Variants in ZNF780B observed in about 807,000 individuals in gnomAD.
ZNF780B encodes the protein zinc finger protein 780B.
Under a neutral mutation model 74.1 loss-of-function variants are expected in ZNF780B, and 52 were observed. The observed-to-expected ratio is 0.70, with a 90% confidence interval of 0.56 to 0.88. The LOEUF (loss-of-function observed/expected upper bound fraction) is 0.88. Ranked by LOEUF, ZNF780B falls within the 40% of genes least tolerant of loss-of-function variation. The probability of loss-of-function intolerance (pLI) is 0.00; values close to 1 mark genes in which losing one functional copy is unlikely to be tolerated. For missense variants in ZNF780B, 953 were observed against 1,007.6 expected, an observed-to-expected ratio of 0.95 and a Z score of 0.73; for synonymous variants, 315 against 324.3, an observed-to-expected ratio of 0.97 and a Z score of 0.31.
rs1259505395 is a variant in ZNF780B at position 40,035,823 on chromosome 19, T to A, written c.1036A>T (p.Thr346Ser). Residue 346 changes from threonine (T) to serine (S), a missense_variant, in exon 5 of 5, where the codon ACA becomes TCA. Thr to Ser is a moderately conservative substitution (Grantham distance 58). Transcript: ENST00000434248. Reference sequence around the variant, plus strand: ...ATCTTCTGATGTCGAACAAGCTTTGTCAGAAGAGTAAAGGCCTTTCTGCAT... The same window carrying A: ...ATCTTCTGATGTCGAACAAGCTTTGACAGAAGAGTAAAGGCCTTTCTGCAT... Reference protein sequence around the residue: ...KECRKAFTLLTKLVRHQKIHM... With the variant: ...KECRKAFTLLSKLVRHQKIHM... 1 of 1,614,128 alleles carries A rather than the reference T, an allele frequency of 6.2e-7. No homozygotes were observed.
intron 4 of ZNF780B, among the ~76,000 whole-genome samples, chr19:40,042,032 C>T (rs1972668682): frequency 2.0e-5 from 3 of 152,166 alleles, no homozygotes; most frequent in South Asian, 2.1e-4. Flanking sequence ...CATGTTTTTG[C>T]AGTGGCTGGC....
chr19:40,032,283 T>C lies in ZNF780B; in HGVS notation c.*2074A>G, dbSNP rs1011476459. On this transcript the variant is annotated 3_prime_UTR_variant, in exon 5 of 5. Coordinates refer to ENST00000434248, the MANE Select transcript of ZNF780B (RefSeq NM_001005851.3). ...GGCTTATAAACTAGGGCTACACTTC[T>C]GTAGGTTTACTAAGTTCCACAGGGG... is the stretch of plus-strand genomic sequence containing the variant. 31 of 364,426 alleles carry C rather than the reference T, an allele frequency of 8.5e-5. No homozygotes were observed. The highest frequency in any genetic ancestry group is 6.0e-4 in the African/African-American group (28 of 47,004). 22.6% of individuals were successfully genotyped at this position (364,426 alleles called of 1,614,324 possible).
chr19:40,035,433 T>A lies in ZNF780B; in HGVS notation c.1426A>T (p.Lys476Ter). 6.2e-7 allele frequency: 1 copy of A among 1,614,206 alleles called. No homozygotes were observed. Among genetic ancestry groups the A allele is most frequent in the Non-Finnish European group, 8.5e-7 (1 of 1,180,034 alleles). ...AGACTAAAGGCCTTTCCACATTCTT[T>A]ACATTCAAAGGGTTTCCCACCAGTA... Reference protein sequence around the residue: ...IHTGGKPFECKECGKAFSLLT... With the variant: ...IHTGGKPFEC Residue 476 changes from lysine (K) to a stop codon, truncating the protein, a stop_gained, in exon 5 of 5, where the codon AAA becomes TAA. Transcript: ENST00000434248. LOFTEE classifies it high-confidence loss of function.
chr19:40,055,182 TAGA>T (rs1310325918), intron 1 of ZNF780B, among the ~76,000 whole-genome samples: 3 of 146,048 alleles, frequency 2.1e-5, no homozygotes, highest in African/African-American at 5.1e-5. Context: ...TATACCAGCT[TAGA>T]AGAAGAGAGC....
intron 4 of ZNF780B, among the ~76,000 whole-genome samples, chr19:40,041,204 A>G (rs1449093492): frequency 6.6e-6 from 1 of 152,124 alleles, no homozygotes; most frequent in Non-Finnish European, 1.5e-5. Context: ...GTTTCCATGT[A>G]GTTGAGTGGT....
chr19:40,047,510 T>TA (rs200752804), intron 3 of ZNF780B, 40 bp from the exon 4 acceptor site: 15 of 1,475,636 alleles, frequency 1.0e-5, no homozygotes, highest in Middle Eastern at 4.0e-4. Flanking sequence ...TTTTTTAATA[T>TA]AAAAATTTTT....
chr19:40,042,229 C>A (rs554150342), intron 4 of ZNF780B, among the ~76,000 whole-genome samples: 21 of 152,194 alleles, frequency 1.4e-4, no homozygotes, highest in Admixed American at 4.6e-4. Context: ...GAATATTGGC[C>A]CCCACTCTCT....
chr19:40,041,783 T>C (rs1268327881), intron 4 of ZNF780B, among the ~76,000 whole-genome samples: 1 of 152,218 alleles, frequency 6.6e-6, no homozygotes, highest in Non-Finnish European at 1.5e-5. Flanking sequence ...ATCCCTTTAT[T>C]TTGAGCCTAT....
At chr19:40,042,828 T>G (rs953582173) in intron 4 of ZNF780B, among the ~76,000 whole-genome samples, 1 of 152,204 alleles carries the variant, frequency 6.6e-6, no homozygotes, top group Non-Finnish European at 1.5e-5. Context: ...AGTTTTTAAC[T>G]TTTTTGCCAT....
chr19:40,053,660 ACTGT>A (rs1346885457), intron 1 of ZNF780B, among the ~76,000 whole-genome samples: 3 of 152,188 alleles, frequency 2.0e-5, no homozygotes, highest in African/African-American at 7.2e-5. Context: ...AATCAATCTA[ACTGT>A]CTATCAATGA....
intron 4 of ZNF780B, among the ~76,000 whole-genome samples, chr19:40,042,806 A>AT (rs1002394997): frequency 3.3e-5 from 5 of 151,494 alleles, no homozygotes; most frequent in East Asian, 2.0e-4. Context: ...CATTCGTCTA[A>AT]TTTTTTTTCA....
chr19:40,045,616 CACATGGAAT>C (rs1341173880), intron 4 of ZNF780B, among the ~76,000 whole-genome samples: 3 of 152,276 alleles, frequency 2.0e-5, no homozygotes, highest in African/African-American at 7.2e-5. Flanking sequence ...GTGATATATA[CACATGGAAT>C]ACTATTCAGG....
chr19:40,034,439 T>C lies in ZNF780B; in HGVS notation c.2420A>G (p.Asn807Ser). Residue 807 changes from asparagine to serine, a missense_variant, in exon 5 of 5, where the codon AAC becomes AGC. Asn to Ser is a conservative substitution (Grantham distance 46). Transcript: ENST00000434248. Reference protein sequence around the residue: ...SLHQKLVQVRNPLNVRNVGQP... With the variant: ...SLHQKLVQVRSPLNVRNVGQP... ...TCCCACATTTCTTACATTCAAAGGG[T>C]TTCTCACCTGTACAAGTTTTTGATG... The C allele has an allele frequency of 1.9e-6, 3 of 1,614,098 alleles. No individual in the cohort carries two copies. Among genetic ancestry groups the C allele is most frequent in the Non-Finnish European group, 2.5e-6 (3 of 1,179,992 alleles).
chr19:40,050,650 G>C (rs1341186216), intron 1 of ZNF780B, among the ~76,000 whole-genome samples: 1 of 152,248 alleles, frequency 6.6e-6, no homozygotes, highest in Non-Finnish European at 1.5e-5. Flanking sequence ...TTTCTGCCTT[G>C]AAGTTGTGGC....
rs1427828237 is a variant in ZNF780B at position 40,028,318 on chromosome 19, A to T, written c.*6039T>A. ...AGTTTGCAGAGCCCCCCCATCTACC[A>T]TCCAGAAGTGGAACTACATATAGTC... On this transcript the variant is annotated 3_prime_UTR_variant, in exon 5 of 5. Coordinates refer to ENST00000434248, the MANE Select transcript of ZNF780B (RefSeq NM_001005851.3). The T allele has an allele frequency of 2.0e-5, 3 of 152,124 alleles. No individual in the cohort carries two copies. Among genetic ancestry groups the T allele is most frequent in the Non-Finnish European group, 4.4e-5 (3 of 68,030 alleles). The allele number at this position is 152,124 out of a possible 1,614,324, so 9.4% of individuals were successfully genotyped here.
chr19:40,047,531 G>A, intron 3 of ZNF780B, 61 bp from the exon 4 acceptor site: 2 of 1,136,032 alleles, frequency 1.8e-6, no homozygotes, highest in Non-Finnish European at 2.5e-6. Context: ...TTTAAACCCT[G>A]AGACCTAGTT....
rs1222969873 is a variant in ZNF780B at position 40,034,429 on chromosome 19, A to G, written c.2430T>C (p.Asn810=). 4 of 1,613,976 alleles carry G rather than the reference A, an allele frequency of 2.5e-6. No individual in the cohort carries two copies. Among genetic ancestry groups the G allele is most frequent in the African/African-American group, 1.3e-5 (1 of 74,918 alleles). The part of the protein sequence containing the change: ...QKLVQVRNPL[N]VRNVGQPSDI... ...CTGAAGGCTGTCCCACATTTCTTACATTCAAAGGGTTTCTCACCTGTACAA... is the reference window on the plus strand; with the variant it reads ...CTGAAGGCTGTCCCACATTTCTTACGTTCAAAGGGTTTCTCACCTGTACAA... Residue 810 remains asparagine (N), a synonymous_variant, in exon 5 of 5, where the codon AAT becomes AAC. Coordinates refer to ENST00000434248, the MANE Select transcript of ZNF780B (RefSeq NM_001005851.3).
At chr19:40,037,213 C>A (rs966673729) in intron 4 of ZNF780B, among the ~76,000 whole-genome samples, 2 of 148,672 alleles carry the variant, frequency 1.3e-5, no homozygotes. Context: ...TTGTGCCTGG[C>A]CTCTATTTTT....
intron 1 of ZNF780B, among the ~76,000 whole-genome samples, chr19:40,054,927 T>C (rs1409591006): frequency 6.6e-6 from 1 of 152,170 alleles, no homozygotes; most frequent in Non-Finnish European, 1.5e-5. Flanking sequence ...GTATTACAAT[T>C]ATCATCTCAT....
Sources: gnomAD v4.1 joint callset for allele counts (sites outside exome capture counted in the v4.1 genomes callset) on GRCh38, gnomAD v4.1.1 for gene constraint, MANE v1.5 for transcripts, NCBI Gene and HGNC (gene_info 2026-07-23, HGNC 2026-07-21) for gene names.